The following CRYGS variants were observed in gnomAD, a reference collection of about 807,000 sequenced individuals.
CRYGS encodes the protein crystallin gamma S.
CRYGS carries 13 observed loss-of-function variants against 21.3 expected under a neutral mutation model. The observed-to-expected ratio is 0.61, with a 90% CI of 0.40 to 0.97. The LOEUF is 0.97. CRYGS is among the 50% of genes least tolerant of loss of function. CRYGS has a pLI of 0.00. For missense variants in CRYGS, 205 were observed against 229.7 expected, an observed-to-expected ratio of 0.89 and a Z score of 0.69; for synonymous variants, 67 against 75.0, an observed-to-expected ratio of 0.89 and a Z score of 0.55.
At chr3:186,541,039 T>C (rs1215223892) in intron 1 of CRYGS, among the ~76,000 whole-genome samples, 1 of 152,268 alleles carries the variant, frequency 6.6e-6, no homozygotes, top group South Asian at 2.1e-4. Flanking sequence ...TAGAAACGGA[T>C]GGCTGCTGTG....
intron 2 of CRYGS, 152 bp downstream of exon 2, chr3:186,539,203 G>A (rs1713998046): frequency 9.1e-7 from 1 of 1,097,754 alleles, no homozygotes; most frequent in South Asian, 1.4e-5. Flanking sequence ...TTCTAGTGAT[G>A]AGCTGCTCTA....
In CRYGS at chr3:186,538,564, T is replaced by C; in HGVS notation, c.*132A>G. On this transcript the variant is annotated 3_prime_UTR_variant, in exon 3 of 3. Coordinates refer to ENST00000307944, the MANE Select transcript of CRYGS (RefSeq NM_017541.4). ...TGGCGAGCACTGTATTGCTGGTCCC[T>C]AGAAGCATTTAAGGAGAGGCATTAT... The C allele has an allele frequency of 1.7e-6, 2 of 1,185,948 alleles. No homozygotes were observed. Among genetic ancestry groups the C allele is most frequent in the East Asian group, 2.5e-5 (1 of 40,212 alleles). 73.5% of individuals were successfully genotyped at this position (1,185,948 alleles called of 1,614,324 possible). A position where few individuals can be genotyped will look rare whatever the true frequency, so the allele number is the denominator to read the frequency against.
chr3:186,540,713 G>A, intron 1 of CRYGS: 1 of 968,482 alleles, frequency 1.0e-6, no homozygotes, highest in Non-Finnish European at 1.2e-6. Flanking sequence ...TTTACTTTAT[G>A]GATTTCACGG....
intron 1 of CRYGS, chr3:186,540,472 CAG>C (rs1243386694): frequency 6.6e-6 from 1 of 152,194 alleles, no homozygotes; most frequent in African/African-American, 2.4e-5. Context: ...AAACAGGAGA[CAG>C]AGTTCCTAGG....
intron 1 of CRYGS, chr3:186,540,660 G>C: frequency 4.0e-6 from 2 of 494,496 alleles, no homozygotes; most frequent in African/African-American, 4.2e-5. Context: ...GTCATGCTTC[G>C]AACCGTTAAT....
Position 186,538,572 on chromosome 3 carries a change from T to C in CRYGS, c.*124A>G, listed in dbSNP as rs1447373874. 2.3e-6 allele frequency: 3 copies of C among 1,278,350 alleles called. No individual in the cohort carries two copies. In the African/African-American group the frequency reaches 4.4e-5, roughly 19 times the overall value. 79.2% of individuals were successfully genotyped at this position (1,278,350 alleles called of 1,614,324 possible). On this transcript the variant is annotated 3_prime_UTR_variant, in exon 3 of 3. Coordinates refer to ENST00000307944, the MANE Select transcript of CRYGS (RefSeq NM_017541.4). ...ACTGTATTGCTGGTCCCTAGAAGCATTTAAGGAGAGGCATTATAGTCAGCA... is the reference window on the plus strand; with the variant it reads ...ACTGTATTGCTGGTCCCTAGAAGCACTTAAGGAGAGGCATTATAGTCAGCA...
chr3:186,544,252 G>T lies in CRYGS; in HGVS notation c.21+54C>A, dbSNP rs73055398. ...AGAAGCAAAAGCTTTTCTGTGTGTT[G>T]AATGCATCATTAGGTGAAAAGCGGG... On this transcript the variant is annotated intron_variant, in intron 1 of 2. Transcript: ENST00000307944. The T allele has an allele frequency of 0.01, 13,194 of 1,267,658 alleles. 971 individuals are homozygous for T. The African/African-American group carries it at 0.17, about 16-fold the overall frequency. The allele number at this position is 1,267,658 out of a possible 1,614,324, so 78.5% of individuals were successfully genotyped here. A position where few individuals can be genotyped will look rare whatever the true frequency, so the allele number is the denominator to read the frequency against.
intron 2 of CRYGS, 47 bp from the exon 3 acceptor site, chr3:186,539,015 C>T (rs768062290): frequency 3.1e-6 from 5 of 1,604,144 alleles, no homozygotes; most frequent in Non-Finnish European, 4.3e-6. Flanking sequence ...ATGGAAATCA[C>T]CAGCAGGTCA....
chr3:186,544,255 T>A, intron 1 of CRYGS, 51 bp downstream of exon 1: 2 of 1,299,884 alleles, frequency 1.5e-6, no homozygotes, highest in East Asian at 2.3e-5. Flanking sequence ...GTGTGTTGAA[T>A]GCATCATTAG....
rs760206816 is a variant in CRYGS, at chr3:186,539,304, A to G, written c.264+51T>C. On this transcript the variant is annotated intron_variant, in intron 2 of 2. Transcript: ENST00000307944. Reference sequence around the variant, plus strand: ...AAATGTTCACCTAAAAGCAAGAGAAAGCGGACAGAGGGCGTGGGAAACAGA... The same window carrying G: ...AAATGTTCACCTAAAAGCAAGAGAAGGCGGACAGAGGGCGTGGGAAACAGA... 1.9e-6 allele frequency: 3 copies of G among 1,611,008 alleles called. No homozygotes were observed. The Admixed American group carries it at 5.0e-5, about 27-fold the overall frequency.
intron 2 of CRYGS, 22 bp downstream of exon 2, chr3:186,539,333 A>T: frequency 6.2e-7 from 1 of 1,612,120 alleles, no homozygotes; most frequent in Non-Finnish European, 8.5e-7. Flanking sequence ...AAACAGAGGG[A>T]GTACACAGTC....
Position 186,544,344 on chromosome 3 carries a change from G to GT in CRYGS, c.-19dup. On this transcript the variant is annotated 5_prime_UTR_variant, in exon 1 of 3. Transcript: ENST00000307944. ...TTAGACATTTTTGGTGCATAGACTG[G>GT]TTTTCCCAGTGCTGAAAGAAATTCA... 6.3e-7 allele frequency: 1 copy of GT among 1,585,808 alleles called. No individual in the cohort carries two copies. Among genetic ancestry groups the GT allele is most frequent in the Non-Finnish European group, 8.7e-7 (1 of 1,154,266 alleles).
intron 1 of CRYGS, chr3:186,539,825 G>C: frequency 2.0e-6 from 1 of 507,644 alleles, no homozygotes; most frequent in Non-Finnish European, 3.6e-6. Flanking sequence ...AACAGAAGAG[G>C]GCTCTAATAG....
chr3:186,543,267 CAT>C (rs1714109169), intron 1 of CRYGS, among the ~76,000 whole-genome samples: 1 of 152,070 alleles, frequency 6.6e-6, no homozygotes, highest in East Asian at 1.9e-4. Context: ...AATTACAATA[CAT>C]GTTTTTCACT....
chr3:186,539,261 G>A lies in CRYGS; in HGVS notation c.264+94C>T. The A allele has an allele frequency of 3.9e-6, 6 of 1,544,166 alleles. No homozygotes were observed. In the South Asian group the frequency reaches 6.8e-5, roughly 17 times the overall value. ...GCCAACAAGCAGCTACTCATTAAGA[G>A]GTAGAGAAGACTCAAGAAAATGTTC... On this transcript the variant is annotated intron_variant, in intron 2 of 2. Coordinates refer to ENST00000307944, the MANE Select transcript of CRYGS (RefSeq NM_017541.4).
Position 186,538,639 on chromosome 3 carries a change from G to T in CRYGS, c.*57C>A. 1 of 1,610,184 alleles carries T rather than the reference G, an allele frequency of 6.2e-7. No individual in the cohort carries two copies. The highest frequency in any genetic ancestry group is 1.1e-5 in the South Asian group (1 of 90,892). On this transcript the variant is annotated 3_prime_UTR_variant, in exon 3 of 3. Coordinates refer to ENST00000307944, the MANE Select transcript of CRYGS (RefSeq NM_017541.4). ...CTGTTTTATTGATGATGCCTATTTGGACCACAAGGCCAGCCAGCATTTGGG... is the reference window on the plus strand; with the variant it reads ...CTGTTTTATTGATGATGCCTATTTGTACCACAAGGCCAGCCAGCATTTGGG...
At chr3:186,541,372 C>A (rs1318236483) in intron 1 of CRYGS, among the ~76,000 whole-genome samples, 1 of 152,152 alleles carries the variant, frequency 6.6e-6, no homozygotes, top group Non-Finnish European at 1.5e-5. Context: ...TACTTCCTCT[C>A]CTTTATCCCC....
intron 1 of CRYGS, among the ~76,000 whole-genome samples, chr3:186,541,098 AATG>A (rs1714054371): frequency 1.3e-5 from 2 of 152,146 alleles, no homozygotes; most frequent in Admixed American, 1.3e-4. Context: ...CTCCAATGTG[AATG>A]ATGATGAGAA....
At chr3:186,539,767 T>C (rs1714016178) in intron 1 of CRYGS, 170 bp from the exon 2 acceptor site, 8 of 728,264 alleles carry the variant, frequency 1.1e-5, no homozygotes, top group Non-Finnish European at 1.8e-5. Flanking sequence ...ACAACTTCAG[T>C]TGTCAACAAC....
Sources: allele counts gnomAD v4.1 joint callset (sites outside exome capture counted in the v4.1 genomes callset), GRCh38; gene constraint gnomAD v4.1.1; transcripts MANE v1.5; gene names NCBI Gene and HGNC (gene_info 2026-07-23, HGNC 2026-07-21).